The following PLAAT5 variants were observed in gnomAD, a reference collection of about 807,000 sequenced individuals.
PLAAT5 encodes Ca(2+)-independent N-acyltransferase.
In PLAAT5, 27 loss-of-function variants were observed where a neutral mutation model predicts 27.8. The ratio of observed to expected loss-of-function variants is 0.97; its 90% CI spans 0.72 to 1.34. PLAAT5 has a LOEUF of 1.34. PLAAT5 is among the 40% of genes most tolerant of loss of function. The pLI is 0.00. For synonymous variants in PLAAT5, 125 were observed against 136.1 expected (o/e 0.92, Z 0.57); for missense variants, 368 against 343.8 (o/e 1.07, Z -0.56).
chr11:63,490,737 A>G, intron 1 of PLAAT5, 150 bp downstream of exon 1: 1 of 756,776 alleles, frequency 1.3e-6, no homozygotes, highest in Non-Finnish European at 2.1e-6. Context: ...TAGCTTTATA[A>G]CAAGCGGTCG....
chr11:63,482,002 C>T (rs911488856), intron 3 of PLAAT5, among the ~76,000 whole-genome samples: 1 of 152,078 alleles, frequency 6.6e-6, no homozygotes, highest in South Asian at 2.1e-4. Context: ...CACATGTATA[C>T]ATATGTAACA....
chr11:63,485,138 T>C (rs543492499), intron 3 of PLAAT5, among the ~76,000 whole-genome samples: 7 of 152,050 alleles, frequency 4.6e-5, no homozygotes, highest in Admixed American at 1.3e-4. Context: ...AAATCACAGA[T>C]GACACAAACA....
Position 63,491,049 on chromosome 11 carries a change from C to T in PLAAT5, c.-15G>A. On this transcript the variant is annotated 5_prime_UTR_variant, in exon 1 of 6. Coordinates refer to ENST00000540857, the MANE Select transcript of PLAAT5 (RefSeq NM_001146729.2). ...CTCAGGCCCATCCCGCCTCTGCGGC[C>T]TCGCCGGCCCCCAGGCCTTGCAGGG... The T allele has an allele frequency of 7.0e-7, 1 of 1,424,784 alleles. No homozygotes were observed. The highest frequency in any genetic ancestry group is 9.2e-7 in the Non-Finnish European group (1 of 1,090,980). The allele number at this position is 1,424,784 out of a possible 1,614,324, so 88.3% of individuals were successfully genotyped here. A position where few individuals can be genotyped will look rare whatever the true frequency, so the allele number is the denominator to read the frequency against.
chr11:63,467,693 A>T (rs1400201411), intron 4 of PLAAT5, among the ~76,000 whole-genome samples: 1 of 152,072 alleles, frequency 6.6e-6, no homozygotes, highest in Non-Finnish European at 1.5e-5. Flanking sequence ...TGAGATAACC[A>T]CTGTGACCAG....
intron 3 of PLAAT5, among the ~76,000 whole-genome samples, chr11:63,475,402 C>T (rs1426532697): frequency 6.6e-6 from 1 of 151,908 alleles, no homozygotes; most frequent in African/African-American, 2.4e-5. Flanking sequence ...TAGAATGACC[C>T]TTTTTTTCTA....
At chr11:63,480,120 G>A (rs2732324) in intron 3 of PLAAT5, among the ~76,000 whole-genome samples, 1,746 of 152,268 alleles carry the variant, frequency 0.011, 32 homozygotes, top group African/African-American at 0.039. Context: ...CATGCGGTCC[G>A]TTCTTCACCA....
At chr11:63,474,141 T>C (rs965931629) in intron 3 of PLAAT5, among the ~76,000 whole-genome samples, 2 of 152,232 alleles carry the variant, frequency 1.3e-5, no homozygotes, top group Admixed American at 6.5e-5. Flanking sequence ...TACATGTATA[T>C]TCATAGAGAT....
At position 63,491,117 on chromosome 11, in the gene PLAAT5, C is replaced by A; in HGVS notation, c.-83G>T. The A allele has an allele frequency of 8.3e-7, 1 of 1,211,704 alleles. No individual in the cohort carries two copies. The highest frequency in any genetic ancestry group is 2.1e-5 in the South Asian group (1 of 47,344). The allele number at this position is 1,211,704 out of a possible 1,614,324, so 75.1% of individuals were successfully genotyped here. ...GTTCCCAGTCGGCGCGGCCCCTGGTCGGCGGAGCCGCGGAAGCTTGGGCAC... is the reference window on the plus strand; with the variant it reads ...GTTCCCAGTCGGCGCGGCCCCTGGTAGGCGGAGCCGCGGAAGCTTGGGCAC... On this transcript the variant is annotated 5_prime_UTR_variant, in exon 1 of 6. Coordinates refer to ENST00000540857, the MANE Select transcript of PLAAT5 (RefSeq NM_001146729.2).
chr11:63,469,103 C>CGTGTGTGTGTGTGTGT (rs34013443), intron 3 of PLAAT5, among the ~76,000 whole-genome samples: 2 of 134,350 alleles, frequency 1.5e-5, no homozygotes, highest in Admixed American at 1.5e-4. Flanking sequence ...TCTCTATTAT[C>CGTGTGTGTGTGTGTGT]GTGTGTGTGT....
chr11:63,490,900 A>G lies in PLAAT5; in HGVS notation c.135T>C (p.Ala45=). ...CTTGGGGCTGACCTGAGTGGGGCAC[A>G]GCTGAACGTCTGAGCGCAGGCGGCT... ...KDQPPALRRS[A]VPHSEESVGF... Residue 45 remains alanine, a synonymous_variant, in exon 1 of 6, where the codon GCT becomes GCC. Coordinates refer to ENST00000540857, the MANE Select transcript of PLAAT5 (RefSeq NM_001146729.2). The G allele has an allele frequency of 6.2e-7, 1 of 1,604,656 alleles. No homozygotes were observed. Among genetic ancestry groups the G allele is most frequent in the East Asian group, 2.3e-5 (1 of 43,648 alleles).
At chr11:63,489,264 G>A (rs960767327) in intron 2 of PLAAT5, among the ~76,000 whole-genome samples, 1 of 152,044 alleles carries the variant, frequency 6.6e-6, no homozygotes, top group African/African-American at 2.4e-5. Context: ...AGTGATACTT[G>A]CACATGGTTT....
At chr11:63,469,145 T>TGAGAGAGA (rs1555025561) in intron 3 of PLAAT5, among the ~76,000 whole-genome samples, 29 of 122,714 alleles carry the variant, frequency 2.4e-4, no homozygotes, top group African/African-American at 5.9e-4. Flanking sequence ...TGTGTGTGTG[T>TGAGAGAGA]GAGAGAGAGA....
rs941889260 is a variant in PLAAT5, at chr11:63,491,073, G to A, written c.-39C>T. Reference sequence around the variant, plus strand: ...CCTCGCCGGCCCCCAGGCCTTGCAGGGGACTACGCCCCTGGCGAGTTCCCA... The same window carrying A: ...CCTCGCCGGCCCCCAGGCCTTGCAGAGGACTACGCCCCTGGCGAGTTCCCA... On this transcript the variant is annotated 5_prime_UTR_variant, in exon 1 of 6. Transcript: ENST00000540857. 36 of 1,397,250 alleles carry A rather than the reference G, an allele frequency of 2.6e-5. No homozygotes were observed. The African/African-American group carries it at 4.3e-4, about 17-fold the overall frequency. 86.6% of individuals were successfully genotyped at this position (1,397,250 alleles called of 1,614,324 possible).
At chr11:63,487,253 T>C (rs535461099) in intron 3 of PLAAT5, among the ~76,000 whole-genome samples, 1 of 152,078 alleles carries the variant, frequency 6.6e-6, no homozygotes, top group South Asian at 2.1e-4. Context: ...TACAAACCAA[T>C]AGGAAAAAAT....
chr11:63,470,831 T>C (rs2016004993), intron 3 of PLAAT5: 1 of 152,188 alleles, frequency 6.6e-6, no homozygotes, highest in African/African-American at 2.4e-5. Flanking sequence ...AATGAAACCA[T>C]TATAAATGTA....
chr11:63,472,807 T>C (rs1044231905), intron 3 of PLAAT5, among the ~76,000 whole-genome samples: 5 of 152,270 alleles, frequency 3.3e-5, no homozygotes, highest in African/African-American at 1.2e-4. Context: ...CATATTTAAT[T>C]CTAATGGTTT....
intron 3 of PLAAT5, among the ~76,000 whole-genome samples, chr11:63,487,933 C>T (rs557259063): frequency 2.0e-4 from 30 of 152,256 alleles, no homozygotes; most frequent in Admixed American, 1.0e-3. Flanking sequence ...ATCATGAGGT[C>T]GGGAGATCGA....
chr11:63,478,105 C>T (rs1054868212), intron 3 of PLAAT5, among the ~76,000 whole-genome samples: 3 of 152,152 alleles, frequency 2.0e-5, no homozygotes, highest in Admixed American at 6.5e-5. Context: ...AAGCTAGCTG[C>T]AATTTTGGTC....
At chr11:63,465,924 T>C (rs2015848799) in intron 5 of PLAAT5, among the ~76,000 whole-genome samples, 186 bp downstream of exon 5, 1 of 152,202 alleles carries the variant, frequency 6.6e-6, no homozygotes. Context: ...GTGCCTTTTC[T>C]ACTCCTCCCT....
Sources: allele counts gnomAD v4.1 joint callset (sites outside exome capture counted in the v4.1 genomes callset), GRCh38; gene constraint gnomAD v4.1.1; transcripts MANE v1.5; gene names NCBI Gene and HGNC (gene_info 2026-07-23, HGNC 2026-07-21).